Variants in TRPM3 observed in about 807,000 individuals in gnomAD.
TRPM3 encodes the protein transient receptor potential cation channel subfamily M member 3, also known as long transient receptor potential channel 3.
A neutral mutation model predicts 181.2 loss-of-function variants in TRPM3; 77 were observed. That is an observed-to-expected ratio of 0.42 (90% CI 0.35 to 0.51). TRPM3 has a LOEUF of 0.51. Ranked by LOEUF, TRPM3 falls within the 20% of genes least tolerant of loss-of-function variation. The pLI, the probability that TRPM3 is intolerant of heterozygous loss-of-function variation, is 0.01. For synonymous variants in TRPM3, 745 were observed against 796.4 expected, an observed-to-expected ratio of 0.94 and a Z score of 1.09; for missense variants, 1,759 against 2,196.7, an observed-to-expected ratio of 0.80 and a Z score of 3.98.
chr9:70,680,554 TA>T (rs1479597183), intron 9 of TRPM3, among the ~76,000 whole-genome samples: 5 of 152,144 alleles, frequency 3.3e-5, no homozygotes, highest in Admixed American at 2.0e-4. Context: ...GTTAAGAAGG[TA>T]GTAATGAACC....
At chr9:71,368,852 T>G (rs2092423535) in intron 1 of TRPM3, among the ~76,000 whole-genome samples, 1 of 152,156 alleles carries the variant, frequency 6.6e-6, no homozygotes, top group African/African-American at 2.4e-5. Flanking sequence ...TGGATTCAGT[T>G]GAACTCAATT....
At chr9:70,805,534 GAAA>G (rs534322844) in intron 6 of TRPM3, among the ~76,000 whole-genome samples, 4 of 82,756 alleles carry the variant, frequency 4.8e-5, no homozygotes, top group African/African-American at 1.3e-4. Context: ...ACTCCATCTC[GAAA>G]AAAAAAAAAA....
intron 1 of TRPM3, among the ~76,000 whole-genome samples, chr9:71,410,072 C>T (rs1459219696): frequency 2.0e-5 from 3 of 152,144 alleles, no homozygotes; most frequent in African/African-American, 7.2e-5. Flanking sequence ...AGAACAAAGA[C>T]ACAACATACC....
At chr9:71,132,369 T>C (rs1009056467) in intron 1 of TRPM3, among the ~76,000 whole-genome samples, 2 of 152,174 alleles carry the variant, frequency 1.3e-5, no homozygotes, top group African/African-American at 4.8e-5. Context: ...GAAGAAAATA[T>C]TGACACAGCA....
chr9:70,898,583 A>G (rs1003657940), intron 1 of TRPM3, among the ~76,000 whole-genome samples: 1 of 150,416 alleles, frequency 6.6e-6, no homozygotes. Flanking sequence ...CCCCGTCTCT[A>G]CTAAAAATAC....
intron 1 of TRPM3, among the ~76,000 whole-genome samples, chr9:71,279,054 A>AAAG (rs2084474092): frequency 7.2e-6 from 1 of 139,662 alleles, no homozygotes; most frequent in African/African-American, 3.1e-5. Context: ...TAAAAATAAA[A>AAAG]ATAAAAATAA....
At chr9:71,314,864 A>T (rs1046858208) in intron 1 of TRPM3, among the ~76,000 whole-genome samples, 10 of 99,994 alleles carry the variant, frequency 1.0e-4, no homozygotes, top group African/African-American at 2.7e-4. Flanking sequence ...AGAGGAAATT[A>T]AAAAAAAAAA....
chr9:71,178,478 A>G (rs1050078315), intron 1 of TRPM3, among the ~76,000 whole-genome samples: 16 of 152,120 alleles, frequency 1.1e-4, no homozygotes, highest in Non-Finnish European at 7.4e-5. Flanking sequence ...TTATTATCTA[A>G]TAAGATTCCT....
intron 1 of TRPM3, among the ~76,000 whole-genome samples, chr9:70,988,461 A>G (rs545667390): frequency 3.3e-5 from 5 of 152,294 alleles, no homozygotes; most frequent in Admixed American, 1.3e-4. Context: ...AACCTAAGAC[A>G]GTTAGTTCCC....
intron 1 of TRPM3, among the ~76,000 whole-genome samples, chr9:71,040,559 TA>T (rs1471791008): frequency 1.3e-5 from 2 of 152,174 alleles, no homozygotes; most frequent in Non-Finnish European, 2.9e-5. Context: ...TGATTAGAAT[TA>T]AAAACATCAG....
intron 25 of TRPM3, among the ~76,000 whole-genome samples, chr9:70,546,258 C>T (rs55892653): frequency 0.27 from 40,768 of 152,100 alleles, 5,723 homozygotes; most frequent in Admixed American, 0.33. Flanking sequence ...AGACAAGCAG[C>T]ATCAACATTA....
rs539750033 is a variant in TRPM3, at chr9:71,237,839, C to G, written c.183+208814G>C. On this transcript the variant is annotated intron_variant, in intron 1 of 24. Transcript: ENST00000357533. ...TGAGGGCCTTCTTGCTGCTACCTTA[C>G]GTGACAGAAAACAGAAGGGCAAGCT... Among the ~76,000 whole-genome samples the G allele has an allele frequency of 9.2e-5, 14 of 152,288 alleles. No individual in the cohort carries two copies. In the South Asian group the frequency reaches 2.9e-3, roughly 32 times the overall value.
chr9:70,609,059 G>T (rs1417586228), intron 19 of TRPM3, among the ~76,000 whole-genome samples: 1 of 152,172 alleles, frequency 6.6e-6, no homozygotes, highest in Non-Finnish European at 1.5e-5. Flanking sequence ...GTACTTATAT[G>T]TCAAGGAACT....
chr9:70,610,881 G>A (rs2061901716), intron 18 of TRPM3, 132 bp from the exon 19 acceptor site: 3 of 1,092,000 alleles, frequency 2.7e-6, no homozygotes, highest in Non-Finnish European at 3.9e-6. Context: ...TTTAGAGGTT[G>A]TACCTTCCCT....
chr9:70,544,967 A>G (rs897577028), intron 25 of TRPM3, among the ~76,000 whole-genome samples: 3 of 151,980 alleles, frequency 2.0e-5, no homozygotes, highest in Non-Finnish European at 4.4e-5. Flanking sequence ...GTCAAAAATA[A>G]TAATCATCAC....
chr9:70,843,062 T>C lies in TRPM3; in HGVS notation c.742A>G (p.Thr248Ala). The change falls in exon 5 of 26, where the codon ACC becomes GCC. Residue 248 changes from threonine (T) to alanine (A), a missense_variant. By Grantham distance (58) the Thr-to-Ala change is moderately conservative (BLOSUM62 0). This residue lies in a region of TRPM3 where 737 missense variants were observed against 957.4 expected (regional missense o/e 0.77). Transcript: ENST00000677713. ...ATTCCCCAGGGGGCAATACCTATGG[T>C]GCATATCTTTCCTCGAGACTTAGAG... ...HASKSRGKIC[T>A]IGIAPWGIVE... The C allele has an allele frequency of 6.2e-7, 1 of 1,613,652 alleles. No individual in the cohort carries two copies. Among genetic ancestry groups the C allele is most frequent in the Non-Finnish European group, 8.5e-7 (1 of 1,179,822 alleles).
At chr9:71,288,309 T>C (rs2085474217) in intron 1 of TRPM3, among the ~76,000 whole-genome samples, 2 of 152,076 alleles carry the variant, frequency 1.3e-5, no homozygotes, top group East Asian at 1.9e-4. Flanking sequence ...TTTCTGGATG[T>C]AGAGCTAAAA....
At chr9:71,191,290 TAAAAC>T (rs2078004163) in intron 1 of TRPM3, among the ~76,000 whole-genome samples, 1 of 151,888 alleles carries the variant, frequency 6.6e-6, no homozygotes, top group Admixed American at 6.6e-5. Flanking sequence ...TTTTGTTTAA[TAAAAC>T]AAGACTCTGT....
intron 1 of TRPM3, among the ~76,000 whole-genome samples, chr9:71,398,103 C>T (rs750004004): frequency 6.6e-6 from 1 of 152,160 alleles, no homozygotes; most frequent in Non-Finnish European, 1.5e-5. Flanking sequence ...CCATGATCTG[C>T]CCCATGATAA....
Sources: allele counts gnomAD v4.1 joint callset (sites outside exome capture counted in the v4.1 genomes callset), GRCh38; gene constraint gnomAD v4.1.1; regional missense constraint gnomAD v4.1.1; transcripts MANE v1.5; gene names NCBI Gene and HGNC (gene_info 2026-07-23, HGNC 2026-07-21).